The following CCDC152 variants were observed in gnomAD, a reference collection of about 807,000 sequenced individuals.
CCDC152 encodes the protein coiled-coil domain-containing protein 152.
CCDC152 carries 37 observed loss-of-function variants against 38.1 expected under a neutral mutation model. The observed-to-expected ratio is 0.97, with a 90% confidence interval of 0.75 to 1.28. The LOEUF is 1.28. Among genes scored for constraint, CCDC152 ranks in the 50% most tolerant of loss-of-function variants. CCDC152 has a pLI of 0.00. For missense variants in CCDC152, 259 were observed against 292.1 expected (o/e 0.89, Z 0.83); for synonymous variants, 83 against 87.1 (o/e 0.95, Z 0.26).
intron 4 of CCDC152, among the ~76,000 whole-genome samples, chr5:42,770,129 A>T (rs1759677741): frequency 6.6e-6 from 1 of 152,228 alleles, no homozygotes; most frequent in Non-Finnish European, 1.5e-5. Flanking sequence ...CAATCATGTT[A>T]ATCAAACAGG....
chr5:42,787,782 T>C (rs552731392), intron 6 of CCDC152, among the ~76,000 whole-genome samples: 1 of 152,334 alleles, frequency 6.6e-6, no homozygotes, highest in Non-Finnish European at 1.5e-5. Context: ...CCTGTTCTTT[T>C]TCATTTTCTA....
At chr5:42,773,147 A>G (rs1196944515) in intron 4 of CCDC152, among the ~76,000 whole-genome samples, 1 of 152,224 alleles carries the variant, frequency 6.6e-6, no homozygotes, top group East Asian at 1.9e-4. Flanking sequence ...GTAAACTAAA[A>G]GGATCTGGTT....
At chr5:42,768,534 G>A (rs760067569) in intron 3 of CCDC152, among the ~76,000 whole-genome samples, 20 of 152,282 alleles carry the variant, frequency 1.3e-4, no homozygotes, top group South Asian at 2.1e-4. Context: ...TCTAATATTT[G>A]CAATGAAACT....
chr5:42,765,774 A>G (rs1759616328), intron 3 of CCDC152, among the ~76,000 whole-genome samples: 1 of 152,232 alleles, frequency 6.6e-6, no homozygotes, highest in Admixed American at 6.5e-5. Flanking sequence ...AAATGGATTA[A>G]AAACTTAAAT....
At position 42,800,646 on chromosome 5, in the gene CCDC152, T is replaced by C. The variant is rs1385650231; in HGVS notation, c.*865T>C. ...TAATTTCTATTTTTGGTTCACTAAT[T>C]TGGTAGTTTATAAAAATGCTGGAAA... On this transcript the variant is annotated 3_prime_UTR_variant, in exon 9 of 9. Coordinates refer to ENST00000361970, the MANE Select transcript of CCDC152 (RefSeq NM_001134848.2). 2 of 1,479,640 alleles carry C rather than the reference T, an allele frequency of 1.4e-6. No homozygotes were observed. The highest frequency in any genetic ancestry group is 1.8e-6 in the Non-Finnish European group (2 of 1,104,950). The allele number at this position is 1,479,640 out of a possible 1,614,324, so 91.7% of individuals were successfully genotyped here.
intron 5 of CCDC152, among the ~76,000 whole-genome samples, chr5:42,782,014 C>T (rs1313123853): frequency 6.6e-6 from 1 of 152,184 alleles, no homozygotes; most frequent in Non-Finnish European, 1.5e-5. Flanking sequence ...CAATGCTCCT[C>T]TCCCTGTTCT....
rs776576159 is a variant in CCDC152, at chr5:42,801,370, A to G, written c.*1589A>G. Reference sequence around the variant, plus strand: ...ATAAATCACTTTTTAACAAGCTTATAGAGATAGGAATAATGCGTGAAAAAT... The same window carrying G: ...ATAAATCACTTTTTAACAAGCTTATGGAGATAGGAATAATGCGTGAAAAAT... On this transcript the variant is annotated 3_prime_UTR_variant, in exon 9 of 9. Transcript: ENST00000361970. 6.9e-7 allele frequency: 1 copy of G among 1,452,744 alleles called. No individual in the cohort carries two copies. Among genetic ancestry groups the G allele is most frequent in the Non-Finnish European group, 9.4e-7 (1 of 1,069,226 alleles). The allele number at this position is 1,452,744 out of a possible 1,614,324, so 90.0% of individuals were successfully genotyped here.
At position 42,797,923 on chromosome 5, in the gene CCDC152, G is replaced by A. The variant is rs112629788; in HGVS notation, c.558+967G>A. Reference sequence around the variant, plus strand: ...AGCACTTTGGCAGGCCGAGGCGAGCGGATCACCTAAGGTCAGGAGTTCGAG... The same window carrying A: ...AGCACTTTGGCAGGCCGAGGCGAGCAGATCACCTAAGGTCAGGAGTTCGAG... On this transcript the variant is annotated intron_variant, in intron 7 of 8. Transcript: ENST00000361970. 4.2e-3 allele frequency among the ~76,000 whole-genome samples: 631 copies of A among 152,024 alleles called. 3 individuals carry two copies. Among genetic ancestry groups the A allele is most frequent in the East Asian group, 0.022 (116 of 5,156 alleles).
chr5:42,794,219 C>T (rs1008488686), intron 6 of CCDC152, among the ~76,000 whole-genome samples: 3 of 152,026 alleles, frequency 2.0e-5, no homozygotes, highest in Admixed American at 6.6e-5. Flanking sequence ...GTCAGAAAGG[C>T]CTACAGGTAA....
chr5:42,796,885 T>A lies in CCDC152; in HGVS notation c.487T>A (p.Ser163Thr). The A allele has an allele frequency of 1.3e-6, 2 of 1,530,456 alleles. No individual in the cohort carries two copies. The highest frequency in any genetic ancestry group is 5.0e-5 in the East Asian group (2 of 39,972). 94.8% of individuals were successfully genotyped at this position (1,530,456 alleles called of 1,614,324 possible). Residue 163 changes from serine to threonine, a missense_variant, in exon 7 of 9, where the codon TCA becomes ACA. By Grantham distance (58) the Ser-to-Thr change is moderately conservative (BLOSUM62 1). Transcript: ENST00000361970. ...AATAGAGAAAAAGGAGATGGAAATT[T>A]CAGAGTTAAATGCAAAGCTAAGAAG... Reference protein sequence around the residue: ...ELIEKKEMEISELNAKLRSQE... With the variant: ...ELIEKKEMEITELNAKLRSQE...
Position 42,801,386 on chromosome 5 carries a change from C to T in CCDC152, c.*1605C>T, listed in dbSNP as rs539953399. On this transcript the variant is annotated 3_prime_UTR_variant, in exon 9 of 9. Transcript: ENST00000361970. ...CAAGCTTATAGAGATAGGAATAATG[C>T]GTGAAAAATGATTTGTAGAGCTAAC... is the stretch of plus-strand genomic sequence containing the variant. 15 of 1,303,994 alleles carry T rather than the reference C, an allele frequency of 1.2e-5. No individual in the cohort carries two copies. Among genetic ancestry groups the T allele is most frequent in the South Asian group, 2.9e-5 (2 of 69,730 alleles). 80.8% of individuals were successfully genotyped at this position (1,303,994 alleles called of 1,614,324 possible). A position where few individuals can be genotyped will look rare whatever the true frequency, so the allele number is the denominator to read the frequency against.
At chr5:42,777,980 A>G (rs1759790555) in intron 4 of CCDC152, among the ~76,000 whole-genome samples, 1 of 152,218 alleles carries the variant, frequency 6.6e-6, no homozygotes, top group Admixed American at 6.5e-5. Context: ...TTACTATACC[A>G]CAAAACAAAC....
chr5:42,787,257 C>A (rs562136456), intron 6 of CCDC152, among the ~76,000 whole-genome samples: 34 of 151,930 alleles, frequency 2.2e-4, no homozygotes, highest in Admixed American at 1.3e-3. Flanking sequence ...TAAATTATTC[C>A]TTCTGCTTGG....
intron 3 of CCDC152, among the ~76,000 whole-genome samples, chr5:42,763,458 T>C (rs759102440): frequency 1.3e-5 from 2 of 151,620 alleles, no homozygotes; most frequent in African/African-American, 4.8e-5. Context: ...ATATAGTCAC[T>C]TTCTTTACTA....
chr5:42,760,069 C>T (rs1339193981), intron 2 of CCDC152, among the ~76,000 whole-genome samples: 4 of 152,036 alleles, frequency 2.6e-5, no homozygotes, highest in Non-Finnish European at 1.5e-5. Context: ...CTTTGGGATG[C>T]CGAGGCGGGC....
At chr5:42,758,596 G>A (rs1187528864) in intron 1 of CCDC152, among the ~76,000 whole-genome samples, 1 of 152,148 alleles carries the variant, frequency 6.6e-6, no homozygotes, top group Admixed American at 6.5e-5. Context: ...GATTTCATAG[G>A]ACTAAAACTG....
intron 4 of CCDC152, 60 bp downstream of exon 4, chr5:42,769,725 A>C: frequency 7.0e-7 from 1 of 1,432,606 alleles, no homozygotes; most frequent in Non-Finnish European, 9.2e-7. Context: ...ACCTTTAAAA[A>C]TAGGAAGTTT....
chr5:42,770,279 G>A (rs181677250), intron 4 of CCDC152, among the ~76,000 whole-genome samples: 20 of 152,214 alleles, frequency 1.3e-4, no homozygotes, highest in Admixed American at 8.5e-4. Flanking sequence ...CATCAAATAA[G>A]CATTTCTCAT....
At chr5:42,766,587 G>C (rs1269024808) in intron 3 of CCDC152, among the ~76,000 whole-genome samples, 2 of 152,140 alleles carry the variant, frequency 1.3e-5, no homozygotes, top group African/African-American at 4.8e-5. Context: ...CCATAAAAAT[G>C]AATGAGATCC....
Sources: gnomAD v4.1 joint callset for allele counts (sites outside exome capture counted in the v4.1 genomes callset) on GRCh38, gnomAD v4.1.1 for gene constraint, MANE v1.5 for transcripts, NCBI Gene and HGNC (gene_info 2026-07-23, HGNC 2026-07-21) for gene names.